Variants in PCDHGB4 observed in about 807,000 individuals in gnomAD.
PCDHGB4 encodes the protein protocadherin gamma-B4.
A neutral mutation model predicts 60.5 loss-of-function variants in PCDHGB4; 38 were observed. That is an observed-to-expected ratio of 0.63 (90% confidence interval 0.48 to 0.82). The LOEUF (loss-of-function observed/expected upper bound fraction) is 0.82, where lower values mean the gene tolerates loss of function less well. Among genes scored for constraint, PCDHGB4 ranks in the 40% least tolerant of loss-of-function variants. The pLI is 0.00. For missense variants in PCDHGB4, 1,109 were observed against 1,209.6 expected (o/e 0.92, Z 1.23); for synonymous variants, 456 against 509.7 (o/e 0.89, Z 1.42).
chr5:141,446,634 G>A (rs927873152), intron 1 of PCDHGB4, among the ~76,000 whole-genome samples: 6 of 151,928 alleles, frequency 3.9e-5, no homozygotes, highest in Admixed American at 2.6e-4. Context: ...GCACCACCAC[G>A]CCTGGCTAAT....
intron 1 of PCDHGB4, among the ~76,000 whole-genome samples, chr5:141,435,245 G>A (rs577996994): frequency 6.6e-6 from 1 of 152,132 alleles, no homozygotes; most frequent in Admixed American, 6.5e-5. Context: ...ATTCTTTCTG[G>A]CCATTAGGGA....
At chr5:141,392,247 T>C (rs1228504452) in intron 1 of PCDHGB4, 1 of 152,196 alleles carries the variant, frequency 6.6e-6, no homozygotes, top group Non-Finnish European at 1.5e-5. Context: ...TATTTGTTAG[T>C]ATATATTGGA....
At chr5:141,409,217 G>A (rs1394491727) in intron 1 of PCDHGB4, 1 of 1,613,852 alleles carries the variant, frequency 6.2e-7, no homozygotes, top group Non-Finnish European at 8.5e-7. Context: ...AGAAATCCTT[G>A]ATGAAAACGA....
intron 1 of PCDHGB4, chr5:141,393,383 A>G: frequency 6.2e-7 from 1 of 1,614,000 alleles, no homozygotes; most frequent in Non-Finnish European, 8.5e-7. Flanking sequence ...ATGGAGCCAT[A>G]AACCCAGAGC....
chr5:141,493,140 C>T lies in PCDHGB4; in HGVS notation c.2398-1667C>T, dbSNP rs2099746336. Among the ~76,000 whole-genome samples, 1 of 146,374 alleles carries T rather than the reference C, an allele frequency of 6.8e-6. No homozygotes were observed. Among genetic ancestry groups the T allele is most frequent in the African/African-American group, 2.5e-5 (1 of 40,746 alleles). ...GCTCCTAGGACTGTATTTTGAAACACCCCCAGGTGATTTTGATAGCTGATT... is the reference window on the plus strand; with the variant it reads ...GCTCCTAGGACTGTATTTTGAAACATCCCCAGGTGATTTTGATAGCTGATT... On this transcript the variant is annotated intron_variant, in intron 1 of 3. Transcript: ENST00000519479. This position sits in a 1 kb window ranked among gnomAD's most constrained non-coding sequence, Gnocchi z 4.3.
At position 141,399,778 on chromosome 5, in the gene PCDHGB4, C is replaced by T. The variant is rs187080333; in HGVS notation, c.2397+9497C>T. 2.5e-6 allele frequency: 4 copies of T among 1,613,250 alleles called. No individual in the cohort carries two copies. The South Asian group carries it at 3.3e-5, about 13-fold the overall frequency. On this transcript the variant is annotated intron_variant, in intron 1 of 3. Transcript: ENST00000519479. ...GAGCCTGCGCGTGTTGGTGGGCGAC[C>T]GAAACGACAACGCACCGCGGGTGCT...
At chr5:141,458,735 A>G (rs2098952642) in intron 1 of PCDHGB4, among the ~76,000 whole-genome samples, 1 of 148,560 alleles carries the variant, frequency 6.7e-6, no homozygotes, top group East Asian at 2.0e-4. Context: ...ACATCCAGCT[A>G]TTGGTTTTGG....
chr5:141,489,253 A>T lies in PCDHGB4; in HGVS notation c.2398-5554A>T. 1 of 1,547,506 alleles carries T rather than the reference A, an allele frequency of 6.5e-7. No individual in the cohort carries two copies. The highest frequency in any genetic ancestry group is 2.3e-5 in the East Asian group (1 of 44,418). ...GGACTTCTGGGTCATGGGGCCCAAG[A>T]CACTCCCACAGCTCGCTGGGAAATG... On this transcript the variant is annotated intron_variant, in intron 1 of 3. Coordinates refer to ENST00000519479, the MANE Select transcript of PCDHGB4 (RefSeq NM_003736.4). This position sits in a 1 kb window ranked among gnomAD's most constrained non-coding sequence, Gnocchi z 4.5.
In PCDHGB4 at chr5:141,512,088, A is replaced by G. The variant is rs192947391; in HGVS notation, c.*915A>G. 2.6e-5 allele frequency: 4 copies of G among 152,772 alleles called. No individual in the cohort carries two copies. Among genetic ancestry groups the G allele is most frequent in the Admixed American group, 6.5e-5 (1 of 15,306 alleles). 9.5% of individuals were successfully genotyped at this position (152,772 alleles called of 1,614,324 possible). On this transcript the variant is annotated 3_prime_UTR_variant, in exon 4 of 4. Transcript: ENST00000519479. ...TCCTCCAGATTCCAGCCATAAACCAATAACTAGGCTGGACCCTTCCCACTA... is the reference window on the plus strand; with the variant it reads ...TCCTCCAGATTCCAGCCATAAACCAGTAACTAGGCTGGACCCTTCCCACTA...
chr5:141,462,623 T>C (rs992165332), intron 1 of PCDHGB4, among the ~76,000 whole-genome samples: 3 of 150,992 alleles, frequency 2.0e-5, no homozygotes, highest in Non-Finnish European at 4.4e-5. Context: ...CTTTTAGAAG[T>C]TCCATTTGAC....
intron 3 of PCDHGB4, among the ~76,000 whole-genome samples, chr5:141,509,583 A>G (rs1008344833): frequency 7.2e-5 from 11 of 152,320 alleles, no homozygotes; most frequent in African/African-American, 2.4e-4. Flanking sequence ...CGTACAAATC[A>G]GCTGGCAATT....
intron 1 of PCDHGB4, among the ~76,000 whole-genome samples, chr5:141,425,293 T>A (rs1332220576): frequency 1.3e-5 from 2 of 152,172 alleles, no homozygotes; most frequent in African/African-American, 4.8e-5. Context: ...TTATAAAACC[T>A]CATCTAAACT....
chr5:141,400,645 G>A, intron 1 of PCDHGB4: 1 of 1,239,756 alleles, frequency 8.1e-7, no homozygotes, highest in Non-Finnish European at 1.2e-6. Context: ...TGCTCAGAAA[G>A]CTGTCCTACC....
rs750579245 is a variant in PCDHGB4 at position 141,389,658 on chromosome 5, G to T, written c.1774G>T (p.Val592Leu). ...CTACTTGGTGACCAAGGTAGTGGCG[G>T]TGGACGCAGACTCAGGACACAACGC... ...PGYLVTKVVA[V>L]DADSGHNAWL... Residue 592 changes from valine to leucine, a missense_variant, in exon 1 of 4, where the codon GTG (valine) becomes TTG (leucine). Val to Leu is a conservative substitution (Grantham distance 32). Transcript: ENST00000519479. 17 of 1,612,424 alleles carry T rather than the reference G, an allele frequency of 1.1e-5. No homozygotes were observed. The highest frequency in any genetic ancestry group is 8.5e-7 in the Non-Finnish European group (1 of 1,179,834).
intron 1 of PCDHGB4, among the ~76,000 whole-genome samples, chr5:141,463,783 C>T (rs1395035313): frequency 1.3e-5 from 2 of 152,138 alleles, no homozygotes; most frequent in African/African-American, 4.8e-5. Flanking sequence ...CCTGCACTGT[C>T]TTTTGAACAA....
intron 1 of PCDHGB4, among the ~76,000 whole-genome samples, chr5:141,464,984 C>T (rs1345385418): frequency 1.3e-5 from 2 of 152,034 alleles, no homozygotes; most frequent in Non-Finnish European, 2.9e-5. Flanking sequence ...TCAAGTGATC[C>T]TCCCACCTCA....
intron 1 of PCDHGB4, among the ~76,000 whole-genome samples, chr5:141,462,035 C>G (rs35674654): frequency 2.0e-5 from 3 of 152,076 alleles, no homozygotes; most frequent in Non-Finnish European, 4.4e-5. Context: ...GTTGGTCAGG[C>G]GGGTCTTGAA....
Position 141,393,140 on chromosome 5 carries a change from G to A in PCDHGB4, c.2397+2859G>A, listed in dbSNP as rs756948310. The A allele has an allele frequency of 1.9e-6, 3 of 1,613,260 alleles. No individual in the cohort carries two copies. In the South Asian group the frequency reaches 3.3e-5, roughly 18 times the overall value. ...GGTGTCTGATAAATATTAACACCCT[G>A]GTTGAGGATAAAGGAAAACTCTTTG... On this transcript the variant is annotated intron_variant, in intron 1 of 3. Coordinates refer to ENST00000519479, the MANE Select transcript of PCDHGB4 (RefSeq NM_003736.4).
intron 1 of PCDHGB4, chr5:141,395,398 T>C (rs976008795): frequency 1.2e-6 from 1 of 863,780 alleles, no homozygotes; most frequent in East Asian, 2.8e-5. Context: ...TGAACTCTAA[T>C]AGTCATAGGT....
Sources: allele counts gnomAD v4.1 joint callset (sites outside exome capture counted in the v4.1 genomes callset), GRCh38; gene constraint gnomAD v4.1.1; non-coding constraint Gnocchi (gnomAD v3.1); transcripts MANE v1.5; gene names NCBI Gene and HGNC (gene_info 2026-07-23, HGNC 2026-07-21).